Variants in LRRC4C observed in about 807,000 individuals in gnomAD.
LRRC4C encodes leucine rich repeat containing 4C.
A neutral mutation model predicts 33.6 loss-of-function variants in LRRC4C; 5 were observed. That is an observed-to-expected ratio of 0.15 (90% CI 0.08 to 0.31). LRRC4C has a LOEUF of 0.31. LRRC4C is among the 10% of genes least tolerant of loss of function. The probability of loss-of-function intolerance (pLI) is 1.00; values close to 1 mark genes in which losing one functional copy is unlikely to be tolerated. For synonymous variants in LRRC4C, 329 were observed against 302.0 expected (o/e 1.09, Z -0.93); for missense variants, 560 against 796.7 (o/e 0.70, Z 3.58).
At chr11:40,556,189 T>C (rs969477131) in intron 3 of LRRC4C, among the ~76,000 whole-genome samples, 1 of 152,238 alleles carries the variant, frequency 6.6e-6, no homozygotes, top group African/African-American at 2.4e-5. Flanking sequence ...ATTTAAGCCA[T>C]AGCAAGAAAT....
chr11:40,628,945 T>A (rs984976673), intron 3 of LRRC4C, among the ~76,000 whole-genome samples: 1 of 152,198 alleles, frequency 6.6e-6, no homozygotes, highest in African/African-American at 2.4e-5. Flanking sequence ...TTTTCTCAGT[T>A]GTGGATGTAA....
intron 6 of LRRC4C, among the ~76,000 whole-genome samples, chr11:40,134,342 T>C (rs1164692256): frequency 6.6e-6 from 1 of 152,182 alleles, no homozygotes; most frequent in Non-Finnish European, 1.5e-5. Context: ...GTAAGTAGAA[T>C]AAATGAAATA....
At chr11:40,889,932 A>T (rs1454466484) in intron 2 of LRRC4C, among the ~76,000 whole-genome samples, 1 of 152,196 alleles carries the variant, frequency 6.6e-6, no homozygotes, top group Non-Finnish European at 1.5e-5. Context: ...ATGTATAATT[A>T]AAAACTCTAA....
chr11:40,904,542 C>A (rs1956337405), intron 2 of LRRC4C, among the ~76,000 whole-genome samples: 1 of 152,088 alleles, frequency 6.6e-6, no homozygotes, highest in Admixed American at 6.6e-5. Flanking sequence ...TACCCACAAA[C>A]AAATATGCAA....
At chr11:40,751,056 C>T (rs577357157) in intron 2 of LRRC4C, among the ~76,000 whole-genome samples, 1 of 150,982 alleles carries the variant, frequency 6.6e-6, no homozygotes, top group East Asian at 1.9e-4. Context: ...ACACAATTGA[C>T]AAATTCCACC....
intron 4 of LRRC4C, among the ~76,000 whole-genome samples, chr11:40,271,078 C>T (rs1005452304): frequency 2.0e-5 from 3 of 152,050 alleles, no homozygotes; most frequent in Admixed American, 6.6e-5. Flanking sequence ...TATTCATACA[C>T]GAAAGGATAG....
At chr11:41,411,383 T>C (rs1284789521) in intron 1 of LRRC4C, among the ~76,000 whole-genome samples, 2 of 150,964 alleles carry the variant, frequency 1.3e-5, no homozygotes, top group African/African-American at 2.4e-5. Flanking sequence ...CTCCTGACCT[T>C]GTGATCCGCC....
intron 1 of LRRC4C, among the ~76,000 whole-genome samples, chr11:41,444,598 G>C (rs1955760449): frequency 6.6e-6 from 1 of 152,144 alleles, no homozygotes; most frequent in Non-Finnish European, 1.5e-5. Context: ...TGTCTTGCAA[G>C]CTTCTAGGTG....
chr11:40,595,512 T>C (rs1397525121), intron 3 of LRRC4C, among the ~76,000 whole-genome samples: 1 of 152,066 alleles, frequency 6.6e-6, no homozygotes, highest in East Asian at 1.9e-4. Context: ...CTCCTTCTTC[T>C]TCTCTTCCTC....
intron 3 of LRRC4C, among the ~76,000 whole-genome samples, chr11:40,439,626 G>A (rs924254158): frequency 6.6e-6 from 1 of 151,656 alleles, no homozygotes; most frequent in African/African-American, 2.4e-5. Flanking sequence ...GCTACTTTTT[G>A]TATTTTTAGC....
chr11:41,409,951 G>A (rs1954398957), intron 1 of LRRC4C, among the ~76,000 whole-genome samples: 1 of 152,158 alleles, frequency 6.6e-6, no homozygotes. Context: ...CCTAATGAGA[G>A]AAATATGTGC....
At chr11:40,151,451 T>C (rs1160752587) in intron 5 of LRRC4C, among the ~76,000 whole-genome samples, 1 of 152,194 alleles carries the variant, frequency 6.6e-6, no homozygotes, top group Non-Finnish European at 1.5e-5. Context: ...CTAGGTCAGA[T>C]ACACAAAAAA....
chr11:40,454,092 T>A (rs1045119259), intron 3 of LRRC4C, among the ~76,000 whole-genome samples: 4 of 152,148 alleles, frequency 2.6e-5, no homozygotes, highest in African/African-American at 9.7e-5. Flanking sequence ...ACTTTATTCT[T>A]TTCTGACTTG....
At chr11:40,802,661 G>T (rs1017209575) in intron 2 of LRRC4C, among the ~76,000 whole-genome samples, 2 of 152,068 alleles carry the variant, frequency 1.3e-5, no homozygotes, top group Non-Finnish European at 2.9e-5. Context: ...AAACATTTCA[G>T]AATAGAAAGT....
At position 40,823,187 on chromosome 11, in the gene LRRC4C, A is replaced by G. The variant is rs541886323; in HGVS notation, c.-407+110448T>C. 2.8e-3 allele frequency among the ~76,000 whole-genome samples: 426 copies of G among 151,958 alleles called. 3 individuals are homozygous for G. The highest frequency in any genetic ancestry group is 6.2e-3 in the Admixed American group (95 of 15,220). On this transcript the variant is annotated intron_variant, in intron 2 of 6. Coordinates refer to ENST00000528697, the MANE Select transcript of LRRC4C (RefSeq NM_001258419.2). ...GTATGTAAAAATTAAAATGACATCA[A>G]CCATACACCTAATTGTAAGCATTAA...
At chr11:41,289,506 T>C (rs927473589) in intron 1 of LRRC4C, among the ~76,000 whole-genome samples, 1 of 152,162 alleles carries the variant, frequency 6.6e-6, no homozygotes, top group Non-Finnish European at 1.5e-5. Context: ...TCTAATCTGA[T>C]AGGGCTGGAG....
At chr11:40,508,931 G>A (rs1173644384) in intron 3 of LRRC4C, among the ~76,000 whole-genome samples, 1 of 150,458 alleles carries the variant, frequency 6.6e-6, no homozygotes, top group Non-Finnish European at 1.5e-5. Context: ...CTATCAAATT[G>A]ACAAAGCTTT....
intron 3 of LRRC4C, among the ~76,000 whole-genome samples, chr11:40,398,126 G>A (rs944691954): frequency 2.0e-5 from 3 of 152,044 alleles, no homozygotes; most frequent in Admixed American, 6.6e-5. Flanking sequence ...TGATTATAAT[G>A]TTGGAGAAGC....
chr11:40,810,440 T>A (rs1205066525), intron 2 of LRRC4C, among the ~76,000 whole-genome samples: 1 of 152,218 alleles, frequency 6.6e-6, no homozygotes, highest in Non-Finnish European at 1.5e-5. Flanking sequence ...GATCTTATTT[T>A]GTCCAATAGT....
Sources: allele counts gnomAD v4.1 joint callset (sites outside exome capture counted in the v4.1 genomes callset), GRCh38; gene constraint gnomAD v4.1.1; transcripts MANE v1.5; gene names NCBI Gene and HGNC (gene_info 2026-07-23, HGNC 2026-07-21).